RBCK1: variants seen among roughly 807,000 people sequenced by gnomAD.
RBCK1 encodes RANBP2-type and C3HC4-type zinc finger containing 1, also known as ranBP-type and C3HC4-type zinc finger-containing protein 1.
A neutral mutation model predicts 71.1 loss-of-function variants in RBCK1; 44 were observed. The observed-to-expected ratio is 0.62, with a 90% CI of 0.49 to 0.80. The LOEUF is 0.80. Among genes scored for constraint, RBCK1 ranks in the 30% least tolerant of loss-of-function variants. The probability of loss-of-function intolerance (pLI) is 0.00; values close to 1 mark genes in which losing one functional copy is unlikely to be tolerated. For missense variants in RBCK1, 569 were observed against 685.0 expected (o/e 0.83, Z 1.89); for synonymous variants, 306 against 279.7 (o/e 1.09, Z -0.94).
chr20:428,948 C>G lies in RBCK1; in HGVS notation c.1309-3C>G. On this transcript the variant is annotated splice_region_variant and splice_polypyrimidine_tract_variant and intron_variant, in intron 10 of 11. Transcript: ENST00000356286. The surrounding 1 kb of genome is among the most constrained non-coding windows in gnomAD (Gnocchi z 5.7). ...CCCAGGGCCAGCACCTGCCCCACTC[C>G]AGGTGATGCTGCAGCAGGGCGAGGC... 1.2e-6 allele frequency: 2 copies of G among 1,605,828 alleles called. No homozygotes were observed. The highest frequency in any genetic ancestry group is 1.7e-6 in the Non-Finnish European group (2 of 1,178,422).
chr20:419,544 C>T lies in RBCK1; in HGVS notation c.583-14C>T. ...ACCCTGCCCAGTCGGGCTCACAGCACCCTCTGCTCCCAGGTGGGCTGGCAG... is the reference window on the plus strand; with the variant it reads ...ACCCTGCCCAGTCGGGCTCACAGCATCCTCTGCTCCCAGGTGGGCTGGCAG... On this transcript the variant is annotated splice_polypyrimidine_tract_variant and intron_variant, in intron 5 of 11. Coordinates refer to ENST00000356286, the MANE Select transcript of RBCK1 (RefSeq NM_031229.4). 6.2e-7 allele frequency: 1 copy of T among 1,606,488 alleles called. No individual in the cohort carries two copies. Among genetic ancestry groups the T allele is most frequent in the Non-Finnish European group, 8.5e-7 (1 of 1,176,584 alleles).
rs2273462 is a variant in RBCK1 at position 428,652 on chromosome 20, G to A, written c.1308+63G>A. On this transcript the variant is annotated intron_variant, in intron 10 of 11. Transcript: ENST00000356286. The surrounding 1 kb of genome is among the most constrained non-coding windows in gnomAD (Gnocchi z 5.7). ...GTTCTGGGATCCAGGTGGGGGCTGG[G>A]GGCTTCCCAGTAAGGGCTGTGCTCA... is the stretch of plus-strand genomic sequence containing the variant. The A allele has an allele frequency of 0.036, 54,034 of 1,496,058 alleles. 1,378 individuals carry two copies. Among genetic ancestry groups the A allele is most frequent in the South Asian group, 0.094 (7,261 of 77,224 alleles). The allele number at this position is 1,496,058 out of a possible 1,614,324, so 92.7% of individuals were successfully genotyped here.
chr20:427,739 A>G (rs962479910), intron 9 of RBCK1, among the ~76,000 whole-genome samples: 1 of 151,934 alleles, frequency 6.6e-6, no homozygotes, highest in African/African-American at 2.4e-5. Flanking sequence ...TGGAGCCCCG[A>G]CCCTGGGCCA....
At position 422,720 on chromosome 20, in the gene RBCK1, G is replaced by C. The variant is rs2016512773; in HGVS notation, c.1029+482G>C. Among the ~76,000 whole-genome samples, 1 of 152,130 alleles carries C rather than the reference G, an allele frequency of 6.6e-6. No individual in the cohort carries two copies. Among genetic ancestry groups the C allele is most frequent in the African/African-American group, 2.4e-5 (1 of 41,440 alleles). Reference sequence around the variant, plus strand: ...AGTCCTAGCTACTTGGGTGGGGTCTGGGATGAGTGGGCTGAGGTGGGAGGA... The same window carrying C: ...AGTCCTAGCTACTTGGGTGGGGTCTCGGATGAGTGGGCTGAGGTGGGAGGA... On this transcript the variant is annotated intron_variant, in intron 8 of 11. Coordinates refer to ENST00000356286, the MANE Select transcript of RBCK1 (RefSeq NM_031229.4). The surrounding 1 kb of genome is among the most constrained non-coding windows in gnomAD (Gnocchi z 5.0).
At chr20:418,432 A>G (rs150357183) in intron 4 of RBCK1, among the ~76,000 whole-genome samples, 22,493 of 151,852 alleles carry the variant, frequency 0.15, 1,840 homozygotes, top group Middle Eastern at 0.26. Flanking sequence ...GCAGTGGCAC[A>G]ATCTCGGCTC....
intron 2 of RBCK1, among the ~76,000 whole-genome samples, chr20:414,318 G>A (rs1031414444): frequency 6.6e-6 from 1 of 152,182 alleles, no homozygotes; most frequent in East Asian, 1.9e-4. Flanking sequence ...AGGCTGAGAT[G>A]AGAGGATTAT....
Position 415,712 on chromosome 20 carries a change from T to C in RBCK1, c.168-1814T>C, listed in dbSNP as rs144502558. 9.3e-4 allele frequency among the ~76,000 whole-genome samples: 142 copies of C among 152,314 alleles called. No homozygotes were observed. The Middle Eastern group carries it at 0.024, about 26-fold the overall frequency. ...ACTCTAGCATTGCTACAAAGAAATA[T>C]CTGAGACTGGGTAATTTGTAAAGAA... On this transcript the variant is annotated intron_variant, in intron 2 of 11. Coordinates refer to ENST00000356286, the MANE Select transcript of RBCK1 (RefSeq NM_031229.4).
In RBCK1 at chr20:420,396, C is replaced by T. The variant is rs559186597; in HGVS notation, c.757-475C>T. The T allele has an allele frequency of 6.7e-4, 657 of 984,916 alleles. 8 individuals carry two copies. In the South Asian group the frequency reaches 0.015, roughly 23 times the overall value. 61.0% of individuals were successfully genotyped at this position (984,916 alleles called of 1,614,324 possible). A position where few individuals can be genotyped will look rare whatever the true frequency, so the allele number is the denominator to read the frequency against. ...TGCATTCCCCTTGGACCCGGTGCTG[C>T]CCCTGGCCACCCCACTCCTGTTCCC... On this transcript the variant is annotated intron_variant, in intron 6 of 11. Transcript: ENST00000356286.
chr20:429,027 G>A lies in RBCK1; in HGVS notation c.1385G>A (p.Trp462Ter). Residue 462 changes from tryptophan (W) to a stop codon, truncating the protein, a stop_gained, in exon 11 of 12, where the codon TGG becomes TAG. Coordinates refer to ENST00000356286, the MANE Select transcript of RBCK1 (RefSeq NM_031229.4). LOFTEE classifies it high-confidence loss of function. ...GTACAGAAGAAGGACGGCTGCGACT[G>A]GATCCGCTGCACCGTCTGCCACACC... ...IVVQKKDGCDWIRCTVCHTEI... is the reference protein window; with the variant it reads ...IVVQKKDGCD 1 of 1,612,634 alleles carries A rather than the reference G, an allele frequency of 6.2e-7. No individual in the cohort carries two copies. Among genetic ancestry groups the A allele is most frequent in the Non-Finnish European group, 8.5e-7 (1 of 1,179,968 alleles).
chr20:415,116 T>C (rs1026486320), intron 2 of RBCK1, among the ~76,000 whole-genome samples: 1 of 152,170 alleles, frequency 6.6e-6, no homozygotes, highest in African/African-American at 2.4e-5. Context: ...TGGATGATGC[T>C]TGTAATCCTA....
At position 425,223 on chromosome 20, in the gene RBCK1, C is replaced by A. The variant is rs1399644318; in HGVS notation, c.1030-2090C>A. Among the ~76,000 whole-genome samples the A allele has an allele frequency of 2.0e-5, 3 of 152,306 alleles. No homozygotes were observed. In the East Asian group the frequency reaches 5.8e-4, roughly 29 times the overall value. ...ACGAGTTTTCACCATGTTGGCCAGG[C>A]TGGTCTTGAACTCCTGACCTCAGGT... On this transcript the variant is annotated intron_variant, in intron 8 of 11. Transcript: ENST00000356286.
chr20:419,238 G>A, intron 4 of RBCK1, 109 bp from the exon 5 acceptor site: 1 of 1,448,000 alleles, frequency 6.9e-7, no homozygotes. Flanking sequence ...CCAGGGAGGA[G>A]GGAGAGGATA....
In RBCK1 at chr20:427,447, G is replaced by A. The variant is rs750877383; in HGVS notation, c.1164G>A (p.Glu388=). The A allele has an allele frequency of 4.6e-5, 74 of 1,613,952 alleles. No homozygotes were observed. Among genetic ancestry groups the A allele is most frequent in the Middle Eastern group, 1.7e-4 (1 of 5,988 alleles). Residue 388 remains glutamate, a synonymous_variant, in exon 9 of 12, where the codon GAG becomes GAA. Transcript: ENST00000356286. ...GCTTCTTTGAGGATGATGTCAATGA[G>A]TTCACCTGCCCTGTGTGTTTCCACG... ...GWCFFEDDVN[E]FTCPVCFHVN... is the part of the protein sequence containing the mutation.
intron 2 of RBCK1, among the ~76,000 whole-genome samples, chr20:412,383 C>T (rs1351731393): frequency 1.3e-5 from 2 of 151,168 alleles, no homozygotes; most frequent in Non-Finnish European, 2.9e-5. Flanking sequence ...TGCAATGGTG[C>T]AATCTCGGCT....
At position 431,986 on chromosome 20, in the gene RBCK1, A is replaced by G. The variant is rs2017027381; in HGVS notation, c.*1556A>G. Among the ~76,000 whole-genome samples, 1 of 152,236 alleles carries G rather than the reference A, an allele frequency of 6.6e-6. No individual in the cohort carries two copies. Among genetic ancestry groups the G allele is most frequent in the African/African-American group, 2.4e-5 (1 of 41,468 alleles). Reference sequence around the variant, plus strand: ...CCTGGTGTCTCTCAGGAGCCTGGGCATGAGACAAAAGCAGAGATTGTTCTC... The same window carrying G: ...CCTGGTGTCTCTCAGGAGCCTGGGCGTGAGACAAAAGCAGAGATTGTTCTC... On this transcript the variant is annotated 3_prime_UTR_variant, in exon 12 of 12. Coordinates refer to ENST00000356286, the MANE Select transcript of RBCK1 (RefSeq NM_031229.4). The surrounding 1 kb of genome is among the most constrained non-coding windows in gnomAD (Gnocchi z 4.8).
In RBCK1 at chr20:430,752, ACT is replaced by A; in HGVS notation, c.*326_*327del. The A allele has an allele frequency of 3.1e-6, 1 of 319,638 alleles. No homozygotes were observed. The highest frequency in any genetic ancestry group is 5.9e-6 in the Non-Finnish European group (1 of 170,724). The allele number at this position is 319,638 out of a possible 1,614,324, so 19.8% of individuals were successfully genotyped here. ...AACACTCATCTGTCAAACACCAAGC[ACT>A]CTCAGCCTCCCCGCCTTCAGCTGTC... On this transcript the variant is annotated 3_prime_UTR_variant, in exon 12 of 12. Coordinates refer to ENST00000356286, the MANE Select transcript of RBCK1 (RefSeq NM_031229.4). The surrounding 1 kb of genome is among the most constrained non-coding windows in gnomAD (Gnocchi z 5.6).
At chr20:419,835 TG>T in intron 6 of RBCK1, 104 bp downstream of exon 6, 1 of 1,454,062 alleles carries the variant, frequency 6.9e-7, no homozygotes, top group East Asian at 2.5e-5. Flanking sequence ...GTTACTGCCT[TG>T]CCCCTCCCAA....
intron 9 of RBCK1, 95 bp downstream of exon 9, chr20:427,587 A>T: frequency 7.4e-7 from 1 of 1,354,040 alleles, no homozygotes; most frequent in East Asian, 2.3e-5. Context: ...GGGAGCTGTG[A>T]CACTGGCCTG....
In RBCK1 at chr20:430,450, C is replaced by T; in HGVS notation, c.*20C>T. 1 of 1,580,398 alleles carries T rather than the reference C, an allele frequency of 6.3e-7. No individual in the cohort carries two copies. The highest frequency in any genetic ancestry group is 8.7e-7 in the Non-Finnish European group (1 of 1,149,430). ...CACTGAGCTAAAGATGGTGGGGCCA[C>T]ATGCTGACCCAGCCCCACATCCACA... On this transcript the variant is annotated 3_prime_UTR_variant, in exon 12 of 12. Transcript: ENST00000356286. The surrounding 1 kb of genome is among the most constrained non-coding windows in gnomAD (Gnocchi z 5.6).
Sources: gnomAD v4.1 joint callset for allele counts (sites outside exome capture counted in the v4.1 genomes callset) on GRCh38, gnomAD v4.1.1 for gene constraint, Gnocchi (gnomAD v3.1) non-coding constraint, MANE v1.5 for transcripts, NCBI Gene and HGNC (gene_info 2026-07-23, HGNC 2026-07-21) for gene names.